The following MARCHF1 variants were observed in gnomAD, a reference collection of about 807,000 sequenced individuals.
MARCHF1 encodes the protein membrane associated ring-CH-type finger 1.
In MARCHF1, 40 loss-of-function variants were observed where a neutral mutation model predicts 54.2. That is an observed-to-expected ratio of 0.74 (90% CI 0.57 to 0.96). The LOEUF (loss-of-function observed/expected upper bound fraction) is 0.96. Among genes scored for constraint, MARCHF1 ranks in the 40% least tolerant of loss-of-function variants. MARCHF1 has a pLI of 0.00. For synonymous variants in MARCHF1, 236 were observed against 236.3 expected, an observed-to-expected ratio of 1.00 and a Z score of 0.01; for missense variants, 586 against 656.5, an observed-to-expected ratio of 0.89 and a Z score of 1.17.
chr4:163,782,489 A>G (rs1463543024), intron 4 of MARCHF1, among the ~76,000 whole-genome samples: 2 of 151,908 alleles, frequency 1.3e-5, no homozygotes, highest in Non-Finnish European at 2.9e-5. Flanking sequence ...TGGCCAATAT[A>G]GTGAAACCCC....
At chr4:163,571,080 A>G (rs1039319362) in intron 8 of MARCHF1, among the ~76,000 whole-genome samples, 1 of 152,050 alleles carries the variant, frequency 6.6e-6, no homozygotes, top group African/African-American at 2.4e-5. Context: ...CAACCTTTTT[A>G]TCTTAATTTT....
chr4:164,224,786 G>A (rs947117512), intron 1 of MARCHF1, among the ~76,000 whole-genome samples: 2 of 151,848 alleles, frequency 1.3e-5, no homozygotes, highest in Non-Finnish European at 2.9e-5. Flanking sequence ...ATTAACTTTA[G>A]AAAGCAACAT....
chr4:164,317,584 T>C (rs549248014), intron 1 of MARCHF1, among the ~76,000 whole-genome samples: 20 of 152,284 alleles, frequency 1.3e-4, no homozygotes, highest in East Asian at 7.7e-4. Context: ...CCTTGTCTCA[T>C]TGACAGGAAC....
Position 163,623,317 on chromosome 4 carries a change from G to C in MARCHF1, c.163-9924C>G, listed in dbSNP as rs114012745. 8.9e-3 allele frequency among the ~76,000 whole-genome samples: 1,361 copies of C among 152,228 alleles called. 19 individuals are homozygous for C. Among genetic ancestry groups the C allele is most frequent in the African/African-American group, 0.031 (1,283 of 41,532 alleles). On this transcript the variant is annotated intron_variant, in intron 5 of 9. Coordinates refer to ENST00000514618, the MANE Select transcript of MARCHF1 (RefSeq NM_001394959.1). ...TTCCTAGTAAAATGTAGGCATTCTG[G>C]CAGCTACAGAAACAGATTCAGGCAG...
intron 7 of MARCHF1, among the ~76,000 whole-genome samples, chr4:163,608,239 GT>G (rs1741208200): frequency 6.6e-6 from 1 of 152,038 alleles, no homozygotes; most frequent in African/African-American, 2.4e-5. Context: ...TTAGGAAGCT[GT>G]TCCTAAAGAA....
chr4:164,287,282 A>G (rs922151661), intron 1 of MARCHF1, among the ~76,000 whole-genome samples: 1 of 152,072 alleles, frequency 6.6e-6, no homozygotes, highest in Non-Finnish European at 1.5e-5. Context: ...AGAGGAAAAC[A>G]ACTCATCCTT....
At chr4:163,547,226 A>C (rs1305491972) in intron 8 of MARCHF1, among the ~76,000 whole-genome samples, 1 of 152,220 alleles carries the variant, frequency 6.6e-6, no homozygotes, top group Non-Finnish European at 1.5e-5. Context: ...CCTCGTCTTC[A>C]TGAGGAGCAG....
At chr4:164,364,658 T>C (rs1335230851) in intron 1 of MARCHF1, among the ~76,000 whole-genome samples, 1 of 151,936 alleles carries the variant, frequency 6.6e-6, no homozygotes, top group Non-Finnish European at 1.5e-5. Context: ...AAATTTTTTG[T>C]AATGCCTCTG....
chr4:163,875,971 G>C (rs1750278374), intron 3 of MARCHF1, among the ~76,000 whole-genome samples: 1 of 151,844 alleles, frequency 6.6e-6, no homozygotes, highest in Admixed American at 6.6e-5. Flanking sequence ...AGAACCATAA[G>C]GACATAAGGA....
intron 2 of MARCHF1, among the ~76,000 whole-genome samples, chr4:164,108,349 C>T (rs1279937591): frequency 6.6e-6 from 1 of 151,752 alleles, no homozygotes; most frequent in African/African-American, 2.4e-5. Context: ...TAAGTTTTAC[C>T]TGTATTTTGT....
chr4:163,952,130 CAT>C (rs1433067363), intron 3 of MARCHF1, among the ~76,000 whole-genome samples: 1 of 152,138 alleles, frequency 6.6e-6, no homozygotes, highest in Non-Finnish European at 1.5e-5. Flanking sequence ...CCATGAGAAA[CAT>C]ATATTTGAGT....
At chr4:164,349,698 T>G (rs1378871588) in intron 1 of MARCHF1, among the ~76,000 whole-genome samples, 6 of 152,176 alleles carry the variant, frequency 3.9e-5, no homozygotes, top group African/African-American at 1.4e-4. Context: ...TACAAGGATA[T>G]TTATCAGCAC....
intron 4 of MARCHF1, among the ~76,000 whole-genome samples, chr4:163,701,610 C>G (rs1323076922): frequency 1.3e-5 from 2 of 152,162 alleles, no homozygotes; most frequent in Non-Finnish European, 2.9e-5. Flanking sequence ...AATTATATAG[C>G]TACTTTTTCT....
intron 1 of MARCHF1, among the ~76,000 whole-genome samples, chr4:164,175,336 A>C (rs1411507320): frequency 6.6e-6 from 1 of 152,198 alleles, no homozygotes; most frequent in Non-Finnish European, 1.5e-5. Context: ...AAATATCCAC[A>C]ACCTTGCCCC....
At chr4:163,830,259 TA>T (rs1463904297) in intron 4 of MARCHF1, among the ~76,000 whole-genome samples, 2 of 151,254 alleles carry the variant, frequency 1.3e-5, no homozygotes, top group African/African-American at 4.8e-5. Context: ...GCTTTTTTCT[TA>T]AATATATATT....
At chr4:163,914,476 TATATG>T (rs1751263134) in intron 3 of MARCHF1, among the ~76,000 whole-genome samples, 1 of 152,176 alleles carries the variant, frequency 6.6e-6, no homozygotes, top group South Asian at 2.1e-4. Context: ...AAGTATAACA[TATATG>T]AGAAGAGAAA....
rs1489010048 is a variant in MARCHF1, at chr4:164,092,817, A to G, written c.-248+18771T>C. ...TTGACTGATCTCAATTATCAGAAGG[A>G]AATTGATTTCTTGATCTACACTGGA... On this transcript the variant is annotated intron_variant, in intron 2 of 9. Coordinates refer to ENST00000514618, the MANE Select transcript of MARCHF1 (RefSeq NM_001394959.1). Among the ~76,000 whole-genome samples, 3 of 141,354 alleles carry G rather than the reference A, an allele frequency of 2.1e-5. No individual in the cohort carries two copies. In the East Asian group the frequency reaches 6.5e-4, roughly 31 times the overall value. The allele number at this position is 141,354 out of a possible 152,430, so 92.7% of individuals were successfully genotyped here.
chr4:163,946,527 T>C (rs1010885186), intron 3 of MARCHF1, among the ~76,000 whole-genome samples: 23 of 152,204 alleles, frequency 1.5e-4, no homozygotes, highest in African/African-American at 5.5e-4. Flanking sequence ...CCCCCAGGAA[T>C]GTTTCCTGAT....
At chr4:164,359,673 A>C (rs189536609) in intron 1 of MARCHF1, among the ~76,000 whole-genome samples, 114 of 152,308 alleles carry the variant, frequency 7.5e-4, no homozygotes, top group African/African-American at 2.7e-3. Flanking sequence ...CCAGAGCTTA[A>C]CTATTTATTG....
Sources: allele counts gnomAD v4.1 joint callset (sites outside exome capture counted in the v4.1 genomes callset), GRCh38; gene constraint gnomAD v4.1.1; transcripts MANE v1.5; gene names NCBI Gene and HGNC (gene_info 2026-07-23, HGNC 2026-07-21).